SCHIP1: variants seen among roughly 807,000 people sequenced by gnomAD.
The protein encoded by SCHIP1 is schwannomin-interacting protein 1.
In SCHIP1, 8 loss-of-function variants were observed where a neutral mutation model predicts 29.7. That is an observed-to-expected ratio of 0.27 (90% CI 0.16 to 0.49). SCHIP1 has a LOEUF of 0.49. SCHIP1 is among the 20% of genes least tolerant of loss of function. The probability of loss-of-function intolerance (pLI) is 0.99; values close to 1 mark genes in which losing one functional copy is unlikely to be tolerated. For missense variants in SCHIP1, 193 were observed against 294.6 expected (o/e 0.66, Z 2.52); for synonymous variants, 76 against 94.9 (o/e 0.80, Z 1.16).
chr3:159,428,290 T>C, the SCHIP1 span, among the ~76,000 whole-genome samples: 1 of 152,018 alleles, frequency 6.6e-6, no homozygotes, highest in African/African-American at 2.4e-5. Context: ...TTTCTCAACC[T>C]ACTCATCTGA....
the SCHIP1 span, among the ~76,000 whole-genome samples, chr3:159,504,657 T>C: frequency 3.9e-5 from 6 of 152,116 alleles, no homozygotes; most frequent in South Asian, 4.1e-4. Context: ...CTTAATTTTT[T>C]GTACCCCTCC....
chr3:159,337,090 A>G, the SCHIP1 span, among the ~76,000 whole-genome samples: 2 of 152,210 alleles, frequency 1.3e-5, no homozygotes, highest in African/African-American at 4.8e-5. Flanking sequence ...AGAACCAATG[A>G]AGAAAACCAT....
At chr3:159,634,797 GT>G in the SCHIP1 span, among the ~76,000 whole-genome samples, 3 of 152,268 alleles carry the variant, frequency 2.0e-5, no homozygotes, top group South Asian at 4.1e-4. Context: ...CTCTTCAGAA[GT>G]TTTCCCCCCC....
At chr3:159,496,415 AC>A in the SCHIP1 span, among the ~76,000 whole-genome samples, 19 of 152,164 alleles carry the variant, frequency 1.2e-4, no homozygotes, top group African/African-American at 4.6e-4. Flanking sequence ...CAAGAAAAAA[AC>A]AAACAACCCC....
At chr3:159,504,727 A>T in the SCHIP1 span, among the ~76,000 whole-genome samples, 22 of 152,156 alleles carry the variant, frequency 1.4e-4, no homozygotes, top group Non-Finnish European at 2.8e-4. Context: ...CATATTTTCA[A>T]CAATTTTTTT....
the SCHIP1 span, among the ~76,000 whole-genome samples, chr3:159,620,783 G>A: frequency 1.3e-5 from 2 of 152,228 alleles, no homozygotes; most frequent in African/African-American, 2.4e-5. Context: ...AGTTGACCAT[G>A]TCAGAAAAAC....
intron 2 of SCHIP1, among the ~76,000 whole-genome samples, chr3:159,871,465 T>C (rs1715277434): frequency 6.6e-6 from 1 of 152,196 alleles, no homozygotes; most frequent in African/African-American, 2.4e-5. Context: ...CAAGACTTCG[T>C]CTCTATTTTG....
chr3:159,448,820 C>G, the SCHIP1 span, among the ~76,000 whole-genome samples: 1 of 152,124 alleles, frequency 6.6e-6, no homozygotes, highest in African/African-American at 2.4e-5. Flanking sequence ...ACAACAGCAT[C>G]GTGAGGTAGT....
chr3:159,765,171 A>G, the SCHIP1 span: 4 of 1,520,808 alleles, frequency 2.6e-6, no homozygotes, highest in East Asian at 2.6e-5. Context: ...CCACGCGCGC[A>G]CACACGCGTA....
chr3:159,447,740 T>C, the SCHIP1 span, among the ~76,000 whole-genome samples: 298 of 152,338 alleles, frequency 2.0e-3, 1 homozygote, highest in Middle Eastern at 0.024. Flanking sequence ...TTTGAACATA[T>C]TTTCAAAAAT....
the SCHIP1 span, among the ~76,000 whole-genome samples, chr3:159,631,977 T>C: frequency 6.6e-6 from 1 of 152,178 alleles, no homozygotes; most frequent in Non-Finnish European, 1.5e-5. Flanking sequence ...TGAATATGTA[T>C]TCTATGTTTT....
At chr3:159,637,041 A>T in the SCHIP1 span, among the ~76,000 whole-genome samples, 24 of 152,196 alleles carry the variant, frequency 1.6e-4, no homozygotes, top group Non-Finnish European at 3.1e-4. Context: ...GAATCAAATG[A>T]AGGCTGTTTC....
the SCHIP1 span, among the ~76,000 whole-genome samples, chr3:159,384,959 C>A: frequency 4.6e-5 from 7 of 152,008 alleles, no homozygotes; most frequent in Non-Finnish European, 8.8e-5. Context: ...GTGGTGATAT[C>A]CCCTTTATCA....
the SCHIP1 span, among the ~76,000 whole-genome samples, chr3:159,657,886 T>C: frequency 6.6e-6 from 1 of 152,222 alleles, no homozygotes; most frequent in African/African-American, 2.4e-5. Context: ...ATTGTCCACA[T>C]GAAGCACACC....
At chr3:159,667,254 C>A in the SCHIP1 span, among the ~76,000 whole-genome samples, 4 of 152,042 alleles carry the variant, frequency 2.6e-5, no homozygotes, top group Admixed American at 6.6e-5. Context: ...GAGTGAGGAG[C>A]CTTTTGGGGG....
chr3:159,536,190 G>A, the SCHIP1 span, among the ~76,000 whole-genome samples: 1 of 152,136 alleles, frequency 6.6e-6, no homozygotes. Context: ...GCTCAAACTA[G>A]CAAGTTTTTC....
the SCHIP1 span, among the ~76,000 whole-genome samples, chr3:159,754,529 C>CCAAATCTA: frequency 6.6e-6 from 1 of 152,166 alleles, no homozygotes; most frequent in Non-Finnish European, 1.5e-5. Flanking sequence ...CAAAACAATG[C>CCAAATCTA]CAAATCTACT....
At chr3:159,399,291 T>A in the SCHIP1 span, among the ~76,000 whole-genome samples, 3 of 152,338 alleles carry the variant, frequency 2.0e-5, no homozygotes, top group South Asian at 6.2e-4. Flanking sequence ...TTAGCTCTAC[T>A]TACTCTTTAT....
chr3:159,337,048 G>C, the SCHIP1 span, among the ~76,000 whole-genome samples: 1 of 152,022 alleles, frequency 6.6e-6, no homozygotes, highest in African/African-American at 2.4e-5. Flanking sequence ...TTCAACATAC[G>C]CAAATCAATA....
Sources: allele counts gnomAD v4.1 joint callset (sites outside exome capture counted in the v4.1 genomes callset), GRCh38; gene constraint gnomAD v4.1.1; transcripts MANE v1.5; gene names NCBI Gene and HGNC (gene_info 2026-07-23, HGNC 2026-07-21).